ROBO1: variants seen among roughly 807,000 people sequenced by gnomAD.
ROBO1 encodes the protein roundabout homolog 1.
ROBO1 carries 149 observed loss-of-function variants against 195.9 expected under a neutral mutation model. The ratio of observed to expected loss-of-function variants is 0.76; its 90% CI spans 0.67 to 0.87. The LOEUF (loss-of-function observed/expected upper bound fraction) is 0.87. ROBO1 is among the 40% of genes least tolerant of loss of function. ROBO1 has a pLI of 0.00. For missense variants in ROBO1, 1,933 were observed against 2,068.3 expected (o/e 0.93, Z 1.27); for synonymous variants, 816 against 733.2 (o/e 1.11, Z -1.82).
chr3:79,364,301 A>T (rs556194303), intron 2 of ROBO1, among the ~76,000 whole-genome samples: 187 of 150,714 alleles, frequency 1.2e-3, no homozygotes, highest in African/African-American at 4.3e-3. Flanking sequence ...CATATATATA[A>T]AAATTATAGG....
intron 2 of ROBO1, among the ~76,000 whole-genome samples, chr3:79,181,439 T>A (rs913523601): frequency 6.6e-6 from 1 of 152,202 alleles, no homozygotes; most frequent in Non-Finnish European, 1.5e-5. Context: ...AGTCTATATA[T>A]CATATTGAAC....
At chr3:79,435,483 G>A (rs770491404) in intron 2 of ROBO1, among the ~76,000 whole-genome samples, 3 of 152,066 alleles carry the variant, frequency 2.0e-5, no homozygotes, top group Non-Finnish European at 4.4e-5. Flanking sequence ...CTACCAGAGC[G>A]GCAGTCATAT....
At chr3:78,653,963 G>T (rs1706839617) in intron 18 of ROBO1, among the ~76,000 whole-genome samples, 1 of 152,204 alleles carries the variant, frequency 6.6e-6, no homozygotes, top group African/African-American at 2.4e-5. Flanking sequence ...TGCAAAGAGA[G>T]ACTTTAAGAC....
At chr3:78,737,641 A>T (rs2082423052) in intron 5 of ROBO1, among the ~76,000 whole-genome samples, 1 of 152,228 alleles carries the variant, frequency 6.6e-6, no homozygotes, top group African/African-American at 2.4e-5. Flanking sequence ...GTGGTCTTAT[A>T]ATGCCCAAGC....
chr3:79,713,941 C>T (rs925023898), intron 1 of ROBO1, among the ~76,000 whole-genome samples: 17 of 152,160 alleles, frequency 1.1e-4, no homozygotes, highest in Admixed American at 1.1e-3. Context: ...CTGTTCTGTT[C>T]CATTGGTCTA....
chr3:79,464,635 G>C (rs576249757), intron 2 of ROBO1, among the ~76,000 whole-genome samples: 3 of 151,556 alleles, frequency 2.0e-5, no homozygotes, highest in African/African-American at 7.3e-5. Flanking sequence ...ATATTGTTTG[G>C]ATACAAGTTC....
intron 2 of ROBO1, among the ~76,000 whole-genome samples, chr3:79,198,230 G>T (rs970038571): frequency 4.6e-5 from 7 of 152,002 alleles, no homozygotes; most frequent in African/African-American, 2.4e-5. Flanking sequence ...TGTAAGGAAG[G>T]GATCCAGTTT....
intron 4 of ROBO1, among the ~76,000 whole-genome samples, chr3:78,841,505 A>G (rs554069588): frequency 1.3e-5 from 2 of 152,184 alleles, no homozygotes; most frequent in Admixed American, 6.6e-5. Context: ...AGAATTATTG[A>G]CAATTGACTC....
chr3:79,044,557 T>C (rs1388868917), intron 3 of ROBO1, among the ~76,000 whole-genome samples: 1 of 152,118 alleles, frequency 6.6e-6, no homozygotes. Flanking sequence ...AATGTGATAA[T>C]AAATATAAGT....
intron 4 of ROBO1, among the ~76,000 whole-genome samples, chr3:78,784,571 A>G (rs1297801174): frequency 6.7e-6 from 1 of 149,514 alleles, no homozygotes; most frequent in Admixed American, 6.7e-5. Context: ...TTAATCTAGG[A>G]AATTTTAACA....
intron 3 of ROBO1, among the ~76,000 whole-genome samples, chr3:78,978,110 C>A (rs1474221037): frequency 6.6e-6 from 1 of 151,912 alleles, no homozygotes; most frequent in Non-Finnish European, 1.5e-5. Context: ...TTAAAGATTT[C>A]AAAAATTATC....
At chr3:79,292,383 G>A (rs952146208) in intron 2 of ROBO1, among the ~76,000 whole-genome samples, 2 of 152,104 alleles carry the variant, frequency 1.3e-5, no homozygotes, top group South Asian at 4.1e-4. Context: ...TCTTTTGATT[G>A]ATTTCCCTGG....
chr3:79,348,583 A>C (rs2035222056), intron 2 of ROBO1, among the ~76,000 whole-genome samples: 1 of 152,186 alleles, frequency 6.6e-6, no homozygotes, highest in Non-Finnish European at 1.5e-5. Flanking sequence ...TCTAATTAGG[A>C]TATGGAGAAG....
chr3:79,141,208 C>T (rs2080517339), intron 2 of ROBO1, among the ~76,000 whole-genome samples: 1 of 152,000 alleles, frequency 6.6e-6, no homozygotes, highest in Admixed American at 6.6e-5. Flanking sequence ...GATCATGTGA[C>T]GACTGCGATT....
chr3:78,631,167 T>A lies in ROBO1; in HGVS notation c.3620A>T (p.Asp1207Val). ...GTTTGGATGCTCCTCTTACCTTTCA[T>A]CTACAGAAATGTTGTACTCTTCGCT... ...SNSEEYNISV[D>V]ESYDQEMPCP... Residue 1207 changes from aspartate to valine, a missense_variant, in exon 25 of 31, where the codon GAT becomes GTT. Coordinates refer to ENST00000464233, the MANE Select transcript of ROBO1 (RefSeq NM_002941.4). 6.2e-7 allele frequency: 1 copy of A among 1,610,938 alleles called. No homozygotes were observed. Among genetic ancestry groups the A allele is most frequent in the Non-Finnish European group, 8.5e-7 (1 of 1,178,430 alleles).
At position 78,614,660 on chromosome 3, in the gene ROBO1, T is replaced by C; in HGVS notation, c.4423A>G (p.Thr1475Ala). ...TCAATGGACTCACCATCTGTGTAGG[T>C]TTCTCTGCGCAGATGTCCTGGCTGG... is the stretch of plus-strand genomic sequence containing the variant. ...KHQPGHLRRETYTDDLPPPPV... is the reference protein window; with the variant it reads ...KHQPGHLRREAYTDDLPPPPV... The change falls in exon 28 of 31, where the codon ACC (threonine) becomes GCC (alanine). Residue 1475 changes from threonine to alanine, a missense_variant. Physicochemically the swap from Thr to Ala is moderately conservative, Grantham distance 58. Coordinates refer to ENST00000464233, the MANE Select transcript of ROBO1 (RefSeq NM_002941.4). 2 of 1,613,450 alleles carry C rather than the reference T, an allele frequency of 1.2e-6. No individual in the cohort carries two copies. The highest frequency in any genetic ancestry group is 1.1e-5 in the South Asian group (1 of 91,040).
intron 1 of ROBO1, among the ~76,000 whole-genome samples, chr3:79,703,031 T>G (rs1947663657): frequency 6.6e-6 from 1 of 151,870 alleles, no homozygotes; most frequent in African/African-American, 2.4e-5. Context: ...GCATGTGATT[T>G]TAGGAACCTT....
intron 8 of ROBO1, among the ~76,000 whole-genome samples, chr3:78,699,677 AAAATAGAAAACT>A (rs1406155815): frequency 6.6e-6 from 1 of 151,926 alleles, no homozygotes; most frequent in African/African-American, 2.4e-5. Flanking sequence ...TATTGCTTTT[AAAATAGAAAACT>A]AAATTCTTAA....
At chr3:78,963,186 T>G (rs2041474396) in intron 3 of ROBO1, among the ~76,000 whole-genome samples, 1 of 152,032 alleles carries the variant, frequency 6.6e-6, no homozygotes, top group Non-Finnish European at 1.5e-5. Flanking sequence ...ACAAATCTTA[T>G]AATCTAGGAG....
Sources: gnomAD v4.1 joint callset for allele counts (sites outside exome capture counted in the v4.1 genomes callset) on GRCh38, gnomAD v4.1.1 for gene constraint, MANE v1.5 for transcripts, NCBI Gene and HGNC (gene_info 2026-07-23, HGNC 2026-07-21) for gene names.